The following STK24 variants were observed in gnomAD, a reference collection of about 807,000 sequenced individuals.
STK24 encodes serine/threonine-protein kinase 24.
Under a neutral mutation model 55.6 loss-of-function variants are expected in STK24, and 21 were observed. The ratio of observed to expected loss-of-function variants is 0.38; its 90% CI spans 0.27 to 0.54. The LOEUF is 0.54. STK24 is among the 20% of genes least tolerant of loss of function. The pLI is 0.79. For synonymous variants in STK24, 200 were observed against 215.2 expected, an observed-to-expected ratio of 0.93 and a Z score of 0.62; for missense variants, 383 against 538.4, an observed-to-expected ratio of 0.71 and a Z score of 2.86.
chr13:98,489,468 C>T (rs1415691966), intron 2 of STK24, among the ~76,000 whole-genome samples: 1 of 152,216 alleles, frequency 6.6e-6, no homozygotes, highest in African/African-American at 2.4e-5. Context: ...AACATACCTA[C>T]TAGGTACCCA....
rs887648498 is a variant in STK24 at position 98,450,156 on chromosome 13, G to A, written c.*3017C>T. ...AGTGTGGGTAACAGTCCATCTGAGT[G>A]GAGTTTGAGACACACTACACATGAG... On this transcript the variant is annotated 3_prime_UTR_variant, in exon 11 of 11. Coordinates refer to ENST00000539966, the MANE Select transcript of STK24 (RefSeq NM_001032296.4). The A allele has an allele frequency of 4.6e-5, 7 of 152,238 alleles. No homozygotes were observed. The highest frequency in any genetic ancestry group is 1.0e-4 in the Non-Finnish European group (7 of 68,066). The allele number at this position is 152,238 out of a possible 1,614,324, so 9.4% of individuals were successfully genotyped here.
chr13:98,559,532 T>C (rs552731288), intron 1 of STK24, among the ~76,000 whole-genome samples: 4 of 152,346 alleles, frequency 2.6e-5, no homozygotes, highest in Middle Eastern at 3.4e-3. Context: ...CGGGTATTTC[T>C]TCATAGCAGT....
chr13:98,520,128 G>A (rs1275325506), intron 1 of STK24, among the ~76,000 whole-genome samples: 1 of 152,060 alleles, frequency 6.6e-6, no homozygotes, highest in African/African-American at 2.4e-5. Context: ...TTTCTAAGAA[G>A]GCTAGCTGTC....
At chr13:98,547,458 G>A (rs1028237178) in intron 1 of STK24, among the ~76,000 whole-genome samples, 4 of 152,186 alleles carry the variant, frequency 2.6e-5, no homozygotes, top group Admixed American at 1.3e-4. Context: ...TGTGGCGTGA[G>A]GACTGCTTGA....
chr13:98,469,100 C>T (rs1172986229), intron 5 of STK24, among the ~76,000 whole-genome samples: 1 of 152,234 alleles, frequency 6.6e-6, no homozygotes, highest in East Asian at 1.9e-4. Flanking sequence ...AGATAATAAG[C>T]AGGCGGCCGA....
At chr13:98,540,763 C>CAAAAAAAAAAAAA (rs35957882) in intron 1 of STK24, among the ~76,000 whole-genome samples, 3 of 58,870 alleles carry the variant, frequency 5.1e-5, no homozygotes, top group Admixed American at 2.0e-4. Context: ...ATATTAAAAG[C>CAAAAAAAAAAAAA]AAAAAAAAAA....
intron 2 of STK24, among the ~76,000 whole-genome samples, chr13:98,486,331 G>A (rs1894806348): frequency 6.6e-6 from 1 of 152,160 alleles, no homozygotes. Flanking sequence ...TAGGACAACA[G>A]ACAGTCAACA....
Position 98,447,142 on chromosome 13 carries a change from C to A in STK24, c.*6031G>T. The A allele has an allele frequency of 4.3e-6, 1 of 231,502 alleles. No homozygotes were observed. Among genetic ancestry groups the A allele is most frequent in the Non-Finnish European group, 8.6e-6 (1 of 116,666 alleles). 14.3% of individuals were successfully genotyped at this position (231,502 alleles called of 1,614,324 possible). A position where few individuals can be genotyped will look rare whatever the true frequency, so the allele number is the denominator to read the frequency against. ...CTACATGGTGTAATGGCAGGGACTGCAGACTTCATTTAGCCAAGAAAGAAA... is the reference window on the plus strand; with the variant it reads ...CTACATGGTGTAATGGCAGGGACTGAAGACTTCATTTAGCCAAGAAAGAAA... On this transcript the variant is annotated 3_prime_UTR_variant, in exon 11 of 11. Transcript: ENST00000539966.
intron 2 of STK24, among the ~76,000 whole-genome samples, chr13:98,509,681 C>A (rs1322723470): frequency 6.6e-6 from 1 of 152,190 alleles, no homozygotes; most frequent in Admixed American, 6.5e-5. Context: ...AGCTCGCTGG[C>A]CAAGATAAGA....
intron 1 of STK24, among the ~76,000 whole-genome samples, chr13:98,539,571 CAA>C (rs11286407): frequency 3.6e-4 from 55 of 150,908 alleles, no homozygotes; most frequent in African/African-American, 1.2e-3. Context: ...CATTTAAAAA[CAA>C]AAAAAAAAGG....
intron 8 of STK24, among the ~76,000 whole-genome samples, chr13:98,461,054 AAGAGAGAGAGAGAGAG>A (rs71292876): frequency 9.0e-5 from 13 of 143,750 alleles, no homozygotes; most frequent in African/African-American, 3.4e-4. Context: ...AAAAAAAAAA[AAGAGAGAGAGAGAGAG>A]AGAGAGAAAA....
intron 1 of STK24, among the ~76,000 whole-genome samples, chr13:98,542,269 G>A (rs749251318): frequency 4.6e-5 from 7 of 152,176 alleles, no homozygotes; most frequent in Non-Finnish European, 1.0e-4. Context: ...GCAACGTTTT[G>A]GAAGGTGTGC....
chr13:98,468,398 C>G (rs1893998395), intron 5 of STK24, among the ~76,000 whole-genome samples: 1 of 152,232 alleles, frequency 6.6e-6, no homozygotes, highest in African/African-American at 2.4e-5. Context: ...AGAAATGCAA[C>G]TGATCCCAGT....
At chr13:98,479,880 A>C (rs1894520491) in intron 3 of STK24, among the ~76,000 whole-genome samples, 1 of 152,188 alleles carries the variant, frequency 6.6e-6, no homozygotes, top group African/African-American at 2.4e-5. Context: ...AAGATGGAGA[A>C]AGACAACAAC....
chr13:98,540,609 A>G (rs1896860064), intron 1 of STK24, among the ~76,000 whole-genome samples: 1 of 151,922 alleles, frequency 6.6e-6, no homozygotes, highest in Admixed American at 6.6e-5. Flanking sequence ...ATTCCTGTCT[A>G]CTCCTCCACC....
chr13:98,463,404 AAACAG>A (rs556380158), intron 7 of STK24, among the ~76,000 whole-genome samples: 4 of 152,174 alleles, frequency 2.6e-5, no homozygotes, highest in African/African-American at 4.8e-5. Context: ...GTTTAATGGA[AAACAG>A]AACAGAACAG....
chr13:98,499,902 A>G (rs967251559), intron 2 of STK24, among the ~76,000 whole-genome samples: 4 of 152,316 alleles, frequency 2.6e-5, no homozygotes, highest in South Asian at 4.1e-4. Context: ...AATTGAGACA[A>G]AAAGATTTCA....
At chr13:98,486,282 G>A (rs1390019793) in intron 2 of STK24, among the ~76,000 whole-genome samples, 2 of 151,960 alleles carry the variant, frequency 1.3e-5, no homozygotes, top group Non-Finnish European at 2.9e-5. Flanking sequence ...CATGTGGGCC[G>A]CACTCGCGCC....
At chr13:98,545,395 C>T (rs542379977) in intron 1 of STK24, among the ~76,000 whole-genome samples, 1 of 152,252 alleles carries the variant, frequency 6.6e-6, no homozygotes, top group Non-Finnish European at 1.5e-5. Context: ...GCCTGTAATC[C>T]CGGCACTTTG....
Sources: gnomAD v4.1 joint callset for allele counts (sites outside exome capture counted in the v4.1 genomes callset) on GRCh38, gnomAD v4.1.1 for gene constraint, MANE v1.5 for transcripts, NCBI Gene and HGNC (gene_info 2026-07-23, HGNC 2026-07-21) for gene names.